The following C2orf72 variants were observed in gnomAD, a reference collection of about 807,000 sequenced individuals.
C2orf72 encodes chromosome 2 open reading frame 72, also known as uncharacterized protein C2orf72.
Under a neutral mutation model 14.4 loss-of-function variants are expected in C2orf72, and 16 were observed. That is an observed-to-expected ratio of 1.11 (90% CI 0.75 to 1.69). The LOEUF is 1.69. Among genes scored for constraint, C2orf72 ranks in the 40% most tolerant of loss-of-function variants. The pLI is 0.00. For missense variants in C2orf72, 371 were observed against 358.3 expected, an observed-to-expected ratio of 1.04 and a Z score of -0.29; for synonymous variants, 168 against 176.8, an observed-to-expected ratio of 0.95 and a Z score of 0.40.
chr2:231,041,569 C>T (rs1414212706), intron 2 of C2orf72, among the ~76,000 whole-genome samples, 160 bp downstream of exon 2: 1 of 152,024 alleles, frequency 6.6e-6, no homozygotes, highest in East Asian at 1.9e-4. Context: ...TGCCCATATG[C>T]CAGGCAGTGG....
At chr2:231,046,208 T>C (rs1394220804) in intron 2 of C2orf72, among the ~76,000 whole-genome samples, 1 of 152,052 alleles carries the variant, frequency 6.6e-6, no homozygotes, top group Non-Finnish European at 1.5e-5. Context: ...TTTGCAAAAC[T>C]ATAGTGCAAT....
chr2:231,042,483 G>A (rs889487552), intron 2 of C2orf72, among the ~76,000 whole-genome samples: 1 of 152,118 alleles, frequency 6.6e-6, no homozygotes, highest in African/African-American at 2.4e-5. Flanking sequence ...GGACTGTACC[G>A]CAGGTAACTG....
At chr2:231,038,257 C>A in intron 1 of C2orf72, 58 bp downstream of exon 1, 1 of 1,148,762 alleles carries the variant, frequency 8.7e-7, no homozygotes, top group South Asian at 4.3e-5. Flanking sequence ...GCACGTCCCC[C>A]AAGTTGGACC....
At chr2:231,038,946 G>C (rs1693301828) in intron 1 of C2orf72, among the ~76,000 whole-genome samples, 2 of 152,116 alleles carry the variant, frequency 1.3e-5, no homozygotes, top group Admixed American at 6.5e-5. Flanking sequence ...CAGCCCCCGT[G>C]ACTGCTGCCA....
At chr2:231,045,654 G>C (rs1693406369) in intron 2 of C2orf72, among the ~76,000 whole-genome samples, 1 of 151,902 alleles carries the variant, frequency 6.6e-6, no homozygotes, top group Admixed American at 6.6e-5. Context: ...AGGTAGCTGG[G>C]ACTACAGGCT....
At position 231,037,589 on chromosome 2, in the gene C2orf72, G is replaced by A. The variant is rs1290590898; in HGVS notation, c.24G>A (p.Leu8=). The A allele has an allele frequency of 7.5e-6, 8 of 1,063,920 alleles. No homozygotes were observed. Among genetic ancestry groups the A allele is most frequent in the Non-Finnish European group, 9.1e-6 (8 of 882,092 alleles). 65.9% of individuals were successfully genotyped at this position (1,063,920 alleles called of 1,614,324 possible). MERELEA[L]AARLARPAEP... ...GCATGGAGCGCGAGCTGGAGGCGCT[G>A]GCGGCCCGGCTTGCGCGCCCTGCCG... is the stretch of plus-strand genomic sequence containing the variant. Residue 8 remains leucine (L), a synonymous_variant, in exon 1 of 3, where the codon CTG becomes CTA. Transcript: ENST00000373640.
rs1693425961 is a variant in C2orf72 at position 231,046,987 on chromosome 2, A to C, written c.854A>C (p.His285Pro). 2.6e-6 allele frequency: 4 copies of C among 1,551,540 alleles called. No homozygotes were observed. The highest frequency in any genetic ancestry group is 3.5e-6 in the Non-Finnish European group (4 of 1,147,008). The change falls in exon 3 of 3, where the codon CAC becomes CCC. Residue 285 changes from histidine (H) to proline (P), a missense_variant. Around this residue, in one of 3 missense-constraint regions of C2orf72, gnomAD observed 145 missense variants for 149.4 expected, o/e 0.97. Transcript: ENST00000373640. ...TCAAAAGCCTGTGATGGAGTCGTAC[A>C]CACTCCTGCTGAGCCCACCGGAGAC... Reference protein sequence around the residue: ...RGSKACDGVVHTPAEPTGDSR With the variant: ...RGSKACDGVVPTPAEPTGDSR
At chr2:231,046,439 C>T (rs879271759) in intron 2 of C2orf72, among the ~76,000 whole-genome samples, 1 of 151,940 alleles carries the variant, frequency 6.6e-6, no homozygotes, top group Non-Finnish European at 1.5e-5. Context: ...GACATGGAAT[C>T]GGGACACTTT....
chr2:231,038,861 T>C (rs1012917774), intron 1 of C2orf72, among the ~76,000 whole-genome samples: 2 of 151,898 alleles, frequency 1.3e-5, no homozygotes, highest in Admixed American at 6.6e-5. Flanking sequence ...TCCCTCAGCC[T>C]CCCCCAGGTC....
At chr2:231,040,856 A>T (rs560141480) in intron 1 of C2orf72, among the ~76,000 whole-genome samples, 167 of 152,266 alleles carry the variant, frequency 1.1e-3, no homozygotes, top group South Asian at 2.5e-3. Context: ...AAGTCTTTTA[A>T]AAATAAATAA....
At chr2:231,043,593 T>C (rs901560950) in intron 2 of C2orf72, among the ~76,000 whole-genome samples, 2 of 152,208 alleles carry the variant, frequency 1.3e-5, no homozygotes, top group African/African-American at 4.8e-5. Context: ...ATTGCAAAAA[T>C]GCTAACTTCA....
chr2:231,048,724 AGT>A lies in C2orf72; in HGVS notation c.*1705_*1706del, dbSNP rs1693452352. 6.6e-6 allele frequency: 1 copy of A among 152,272 alleles called. No individual in the cohort carries two copies. Among genetic ancestry groups the A allele is most frequent in the Admixed American group, 6.5e-5 (1 of 15,286 alleles). 9.4% of individuals were successfully genotyped at this position (152,272 alleles called of 1,614,324 possible). Reference sequence around the variant, plus strand: ...GGCATCTCATTTGGGGCTTTTTGGCAGTGGGCCTCATTTTAATCCTGCAGGGC... The same window carrying A: ...GGCATCTCATTTGGGGCTTTTTGGCAGGGCCTCATTTTAATCCTGCAGGGC... On this transcript the variant is annotated 3_prime_UTR_variant, in exon 3 of 3. Transcript: ENST00000373640.
intron 2 of C2orf72, among the ~76,000 whole-genome samples, chr2:231,044,945 T>TATATATATATATATATATATATA (rs1693392248): frequency 3.5e-5 from 5 of 141,664 alleles, no homozygotes; most frequent in African/African-American, 1.1e-4. Flanking sequence ...ATATATATCT[T>TATATATATATATATATATATATA]TATATATATA....
chr2:231,041,711 C>T (rs925754929), intron 2 of C2orf72, among the ~76,000 whole-genome samples: 3 of 152,002 alleles, frequency 2.0e-5, no homozygotes, highest in South Asian at 2.1e-4. Context: ...GGACCAAACA[C>T]AGCAAGTCTC....
chr2:231,044,269 C>T (rs1693381252), intron 2 of C2orf72, among the ~76,000 whole-genome samples: 1 of 152,210 alleles, frequency 6.6e-6, no homozygotes, highest in Non-Finnish European at 1.5e-5. Flanking sequence ...ACTTAGGCTA[C>T]ACTACATTTA....
chr2:231,045,583 G>A (rs899289587), intron 2 of C2orf72, among the ~76,000 whole-genome samples: 28 of 138,184 alleles, frequency 2.0e-4, no homozygotes, highest in Non-Finnish European at 2.9e-4. Flanking sequence ...GCAGTGGCAC[G>A]TCTTGGCTCA....
At chr2:231,042,125 T>A (rs1055265035) in intron 2 of C2orf72, among the ~76,000 whole-genome samples, 1 of 151,604 alleles carries the variant, frequency 6.6e-6, no homozygotes, top group Non-Finnish European at 1.5e-5. Context: ...ACCTGGGCAG[T>A]GGGAATGGAG....
At chr2:231,046,677 T>A (rs1198134171) in intron 2 of C2orf72, among the ~76,000 whole-genome samples, 1 of 152,200 alleles carries the variant, frequency 6.6e-6, no homozygotes, top group East Asian at 1.9e-4. Context: ...TTCCACTAAT[T>A]ATTCCTAATT....
At chr2:231,044,716 C>G (rs1454221901) in intron 2 of C2orf72, among the ~76,000 whole-genome samples, 2 of 140,898 alleles carry the variant, frequency 1.4e-5, no homozygotes, top group Admixed American at 1.4e-4. Flanking sequence ...AAACATGCGC[C>G]TTAGCCTACA....
Sources: allele counts gnomAD v4.1 joint callset (sites outside exome capture counted in the v4.1 genomes callset), GRCh38; gene constraint gnomAD v4.1.1; regional missense constraint gnomAD v4.1.1; transcripts MANE v1.5; gene names NCBI Gene and HGNC (gene_info 2026-07-23, HGNC 2026-07-21).